The following APBB2 variants were observed in gnomAD, a reference collection of about 807,000 sequenced individuals.
APBB2 encodes the protein Fe65-like 1.
A neutral mutation model predicts 82.5 loss-of-function variants in APBB2; 38 were observed. That is an observed-to-expected ratio of 0.46 (90% CI 0.36 to 0.60). The LOEUF (loss-of-function observed/expected upper bound fraction) is 0.60, where lower values mean the gene tolerates loss of function less well. Ranked by LOEUF, APBB2 falls within the 20% of genes least tolerant of loss-of-function variation. APBB2 has a pLI of 0.00. For synonymous variants in APBB2, 341 were observed against 368.2 expected, an observed-to-expected ratio of 0.93 and a Z score of 0.85; for missense variants, 772 against 972.3, an observed-to-expected ratio of 0.79 and a Z score of 2.74.
intron 2 of APBB2, among the ~76,000 whole-genome samples, chr4:41,132,166 A>G (rs943705184): frequency 3.3e-5 from 5 of 152,198 alleles, no homozygotes; most frequent in Non-Finnish European, 7.3e-5. Flanking sequence ...ATTGTAAAAA[A>G]AAATTTCCAT....
chr4:41,182,358 C>T (rs904734450), intron 1 of APBB2, among the ~76,000 whole-genome samples: 1 of 152,202 alleles, frequency 6.6e-6, no homozygotes, highest in Non-Finnish European at 1.5e-5. Context: ...ACATTCAGTA[C>T]CTGCCTTCTT....
chr4:40,962,453 G>A (rs1793537716), intron 6 of APBB2, among the ~76,000 whole-genome samples: 1 of 152,142 alleles, frequency 6.6e-6, no homozygotes, highest in Non-Finnish European at 1.5e-5. Flanking sequence ...GTTGCAAAAT[G>A]TTCAAAAAGG....
intron 6 of APBB2, among the ~76,000 whole-genome samples, chr4:40,982,227 AAAG>A (rs1560445269): frequency 0.034 from 135 of 3,914 alleles, 6 homozygotes; most frequent in Middle Eastern, 0.12. Context: ...GAAAGGAAAG[AAAG>A]AAAGAAAGAA....
chr4:41,138,978 A>G (rs1758361338), intron 2 of APBB2, among the ~76,000 whole-genome samples: 1 of 152,190 alleles, frequency 6.6e-6, no homozygotes, highest in African/African-American at 2.4e-5. Flanking sequence ...CTTAATTTAT[A>G]AAGGCATCAA....
chr4:41,129,856 C>A (rs935896730), intron 2 of APBB2, among the ~76,000 whole-genome samples: 9 of 151,596 alleles, frequency 5.9e-5, no homozygotes, highest in African/African-American at 2.2e-4. Context: ...AAGAGAGAGA[C>A]AATAACTTAA....
At chr4:40,976,334 A>C (rs952592766) in intron 6 of APBB2, among the ~76,000 whole-genome samples, 5 of 152,190 alleles carry the variant, frequency 3.3e-5, no homozygotes, top group African/African-American at 9.6e-5. Context: ...CTTATTTTTA[A>C]TTTTATGTGC....
intron 2 of APBB2, among the ~76,000 whole-genome samples, chr4:41,124,042 G>A (rs1350091982): frequency 6.6e-6 from 1 of 152,108 alleles, no homozygotes; most frequent in Non-Finnish European, 1.5e-5. Context: ...GCCTCAGCAG[G>A]AAGAAGCTTG....
intron 11 of APBB2, 106 bp downstream of exon 11, chr4:40,893,159 G>A: frequency 2.2e-6 from 3 of 1,372,690 alleles, no homozygotes; most frequent in Non-Finnish European, 2.0e-6. Context: ...GGCACCTGAT[G>A]AACACCTCGG....
intron 4 of APBB2, among the ~76,000 whole-genome samples, chr4:41,051,723 CTG>C (rs1579583209): frequency 6.6e-6 from 1 of 152,202 alleles, no homozygotes; most frequent in Non-Finnish European, 1.5e-5. Context: ...GCCAATCCAA[CTG>C]TACTCTCCCG....
intron 6 of APBB2, among the ~76,000 whole-genome samples, chr4:40,958,885 C>T (rs142963142): frequency 3.8e-4 from 58 of 152,274 alleles, no homozygotes; most frequent in Non-Finnish European, 6.6e-4. Context: ...GGATTACAGG[C>T]GTGAGCCGCT....
rs769479955 is a variant in APBB2 at position 40,946,022 on chromosome 4, CAGG to C, written c.836-952_836-950del. Among the ~76,000 whole-genome samples the C allele has an allele frequency of 6.0e-4, 92 of 152,088 alleles. 1 individual carries two copies. Among genetic ancestry groups the C allele is most frequent in the Admixed American group, 2.9e-3 (45 of 15,282 alleles). On this transcript the variant is annotated intron_variant, in intron 6 of 17. Coordinates refer to ENST00000508593, the MANE Select transcript of APBB2 (RefSeq NM_004307.2). ...CCGAGGTGGGTGGATCACCTGAGGT[CAGG>C]AGTTTGAGACCAGCCTGACCAATGT...
At chr4:41,137,226 C>A (rs1757827976) in intron 2 of APBB2, among the ~76,000 whole-genome samples, 1 of 152,166 alleles carries the variant, frequency 6.6e-6, no homozygotes, top group African/African-American at 2.4e-5. Context: ...TTCATGTTAC[C>A]ATTAATGAAA....
intron 12 of APBB2, among the ~76,000 whole-genome samples, chr4:40,877,754 T>G (rs1282231602): frequency 1.3e-5 from 2 of 152,192 alleles, no homozygotes; most frequent in African/African-American, 4.8e-5. Context: ...TTCCAACAAA[T>G]TCACTCAGGA....
chr4:41,160,016 A>AGAAGAG (rs1764671735), intron 1 of APBB2, among the ~76,000 whole-genome samples: 1 of 148,704 alleles, frequency 6.7e-6, no homozygotes, highest in Non-Finnish European at 1.5e-5. Flanking sequence ...AAGAAGAAGA[A>AGAAGAG]GAAGAAGAAG....
intron 1 of APBB2, among the ~76,000 whole-genome samples, chr4:41,191,124 G>C (rs1396541967): frequency 6.6e-6 from 1 of 152,180 alleles, no homozygotes; most frequent in East Asian, 1.9e-4. Flanking sequence ...ATCCAGGAAG[G>C]AGAACGCTCA....
At chr4:41,177,152 T>C (rs1401323741) in intron 1 of APBB2, among the ~76,000 whole-genome samples, 1 of 152,096 alleles carries the variant, frequency 6.6e-6, no homozygotes, top group Non-Finnish European at 1.5e-5. Context: ...ATTCAGAGGG[T>C]CAGTTTAAGT....
chr4:40,829,279 T>C (rs1560627649), intron 13 of APBB2, among the ~76,000 whole-genome samples: 1 of 152,098 alleles, frequency 6.6e-6, no homozygotes. Context: ...GAATACTGTG[T>C]TCATCTGGGG....
intron 10 of APBB2, among the ~76,000 whole-genome samples, chr4:40,908,343 C>T (rs972994712): frequency 1.3e-5 from 2 of 152,184 alleles, no homozygotes; most frequent in African/African-American, 4.8e-5. Context: ...CCAACAAACA[C>T]ACGGTGGTGT....
chr4:41,122,156 G>A (rs193227524), intron 2 of APBB2, among the ~76,000 whole-genome samples: 138 of 152,100 alleles, frequency 9.1e-4, no homozygotes, highest in Non-Finnish European at 1.6e-3. Flanking sequence ...AAACTCCTGG[G>A]CTCAAGCAAT....
Sources: gnomAD v4.1 joint callset for allele counts (sites outside exome capture counted in the v4.1 genomes callset) on GRCh38, gnomAD v4.1.1 for gene constraint, MANE v1.5 for transcripts, NCBI Gene and HGNC (gene_info 2026-07-23, HGNC 2026-07-21) for gene names.